Variants in NAA11 observed in about 807,000 individuals in gnomAD.
NAA11 encodes N-alpha-acetyltransferase 11.
NAA11 carries 15 observed loss-of-function variants against 16.1 expected under a neutral mutation model. The observed-to-expected ratio is 0.93, with a 90% CI of 0.62 to 1.44. NAA11 has a LOEUF of 1.44. Among genes scored for constraint, NAA11 ranks in the 40% most tolerant of loss-of-function variants. The probability of loss-of-function intolerance (pLI) is 0.00; values close to 1 mark genes in which losing one functional copy is unlikely to be tolerated. For synonymous variants in NAA11, 122 were observed against 112.4 expected (o/e 1.09, Z -0.54); for missense variants, 298 against 291.3 (o/e 1.02, Z -0.17).
chr4:79,230,039 T>C (rs1464602007), intron 2 of NAA11, among the ~76,000 whole-genome samples: 1 of 152,088 alleles, frequency 6.6e-6, no homozygotes, highest in Non-Finnish European at 1.5e-5. Flanking sequence ...ATTTCATCTA[T>C]GTCCCTACAA....
intron 2 of NAA11, among the ~76,000 whole-genome samples, chr4:79,281,287 A>C (rs76877813): frequency 6.6e-6 from 1 of 151,784 alleles, no homozygotes; most frequent in African/African-American, 2.4e-5. Context: ...AAAAAAAAAA[A>C]CATTCTCAAG....
chr4:79,192,432 T>G, the NAA11 span, among the ~76,000 whole-genome samples: 7 of 135,202 alleles, frequency 5.2e-5, no homozygotes, highest in Admixed American at 2.5e-4. Flanking sequence ...CCTGTGTCCA[T>G]GTGTTCTCAT....
chr4:79,168,034 C>T, the NAA11 span, among the ~76,000 whole-genome samples: 3 of 151,954 alleles, frequency 2.0e-5, no homozygotes, highest in Non-Finnish European at 4.4e-5. Context: ...CCCTACCCCC[C>T]AACAGGCCCT....
the NAA11 span, among the ~76,000 whole-genome samples, chr4:79,196,979 A>AAAAAAAAAAAAAAAAAG: frequency 3.2e-4 from 40 of 125,532 alleles, no homozygotes; most frequent in African/African-American, 4.2e-4. Context: ...AAAAAAAAAA[A>AAAAAAAAAAAAAAAAAG]AAAGAAAGAA....
In NAA11 at chr4:79,325,057, G is replaced by A. The variant is rs72664053; in HGVS notation, c.*12+119C>T. The A allele has an allele frequency of 1.1e-3, 934 of 883,666 alleles. 1 individual carries two copies. Among genetic ancestry groups the A allele is most frequent in the Non-Finnish European group, 1.2e-3 (717 of 588,842 alleles). 54.7% of individuals were successfully genotyped at this position (883,666 alleles called of 1,614,324 possible). ...AACTTCTCCCTAAGGTCACCAGGTG[G>A]TTTTTACCGTAAAATCTCGCAGGGC... On this transcript the variant is annotated intron_variant, in intron 1 of 1. Coordinates refer to ENST00000286794, the MANE Select transcript of NAA11 (RefSeq NM_032693.3).
chr4:79,215,991 C>G, the NAA11 span, among the ~76,000 whole-genome samples: 32 of 152,060 alleles, frequency 2.1e-4, no homozygotes, highest in Non-Finnish European at 1.2e-4. Context: ...TCATAATCAT[C>G]AAAAGAAAAT....
intron 2 of NAA11, among the ~76,000 whole-genome samples, chr4:79,274,934 C>G (rs995466564): frequency 6.6e-6 from 1 of 151,892 alleles, no homozygotes. Flanking sequence ...CTTTTGCTTT[C>G]CAAGATAAGG....
chr4:79,194,018 C>G, the NAA11 span, among the ~76,000 whole-genome samples: 1 of 152,126 alleles, frequency 6.6e-6, no homozygotes, highest in Non-Finnish European at 1.5e-5. Context: ...CATGATTTGG[C>G]TCTCTGTCTG....
chr4:79,181,322 C>G, the NAA11 span, among the ~76,000 whole-genome samples: 6 of 151,866 alleles, frequency 4.0e-5, no homozygotes, highest in African/African-American at 1.2e-4. Context: ...TAGGGAGGTG[C>G]GTTCTTGCTC....
the NAA11 span, among the ~76,000 whole-genome samples, chr4:79,213,756 G>A: frequency 6.6e-6 from 1 of 152,070 alleles, no homozygotes; most frequent in South Asian, 2.1e-4. Context: ...CAAGTACATG[G>A]AATCCCTTAT....
intron 1 of NAA11, among the ~76,000 whole-genome samples, chr4:79,295,547 G>A (rs1197320575): frequency 6.6e-6 from 1 of 152,136 alleles, no homozygotes; most frequent in African/African-American, 2.4e-5. Context: ...GACACATAAG[G>A]AAGGACCTGT....
the NAA11 span, among the ~76,000 whole-genome samples, chr4:79,214,877 C>G: frequency 2.6e-5 from 4 of 152,142 alleles, no homozygotes; most frequent in Non-Finnish European, 5.9e-5. Context: ...CTGCCTTCCA[C>G]CAGGGAATGA....
chr4:79,311,891 C>T (rs1460708618), downstream of NAA11, among the ~76,000 whole-genome samples: 1 of 152,210 alleles, frequency 6.6e-6, no homozygotes, highest in Non-Finnish European at 1.5e-5. Flanking sequence ...AAGGGCTACA[C>T]AGACATGAGT....
rs774783949 is a variant in NAA11, at chr4:79,325,474, G to C, written c.404C>G (p.Pro135Arg). ...TLNFQISEVEPKYYADGEDAY... is the reference protein window; with the variant it reads ...TLNFQISEVERKYYADGEDAY... ...ATCTTCCCCATCTGCATAGTATTTA[G>C]GTTCCACCTCACTAATCTGAAAGTT... is the stretch of plus-strand genomic sequence containing the variant. The change falls in exon 1 of 2, where the codon CCT (proline) becomes CGT (arginine). Residue 135 changes from proline to arginine, a missense_variant. Coordinates refer to ENST00000286794, the MANE Select transcript of NAA11 (RefSeq NM_032693.3). 2 of 1,614,192 alleles carry C rather than the reference G, an allele frequency of 1.2e-6. No homozygotes were observed. Among genetic ancestry groups the C allele is most frequent in the South Asian group, 2.2e-5 (2 of 91,086 alleles).
intron 2 of NAA11, among the ~76,000 whole-genome samples, chr4:79,267,499 G>C (rs1373345408): frequency 6.6e-6 from 1 of 152,190 alleles, no homozygotes; most frequent in Non-Finnish European, 1.5e-5. Flanking sequence ...GTTTCTTCTA[G>C]TTTTAAGCAT....
intron 1 of NAA11, among the ~76,000 whole-genome samples, 156 bp downstream of exon 1, chr4:79,325,020 T>A (rs1442293729): frequency 6.6e-6 from 1 of 152,178 alleles, no homozygotes; most frequent in Non-Finnish European, 1.5e-5. Context: ...TGAGTCTCCC[T>A]CAACTCACTC....
the NAA11 span, among the ~76,000 whole-genome samples, chr4:79,161,744 G>A: frequency 3.0e-4 from 45 of 151,048 alleles, no homozygotes; most frequent in African/African-American, 5.1e-4. Flanking sequence ...GCATGATCTC[G>A]GCTCACTGCA....
chr4:79,233,058 C>T (rs1343678277), intron 2 of NAA11, among the ~76,000 whole-genome samples: 1 of 151,864 alleles, frequency 6.6e-6, no homozygotes, highest in Non-Finnish European at 1.5e-5. Flanking sequence ...CAATGTCTGC[C>T]ACGTGTCTAA....
chr4:79,308,524 A>T (rs1012209908), intron 1 of NAA11: 3 of 152,208 alleles, frequency 2.0e-5, no homozygotes, highest in African/African-American at 7.2e-5. Context: ...CAGCCATCCA[A>T]TAAAAATGAT....
Sources: gnomAD v4.1 joint callset for allele counts (sites outside exome capture counted in the v4.1 genomes callset) on GRCh38, gnomAD v4.1.1 for gene constraint, MANE v1.5 for transcripts, NCBI Gene and HGNC (gene_info 2026-07-23, HGNC 2026-07-21) for gene names.